Variants in AKT3 observed in about 807,000 individuals in gnomAD.
AKT3 encodes RAC-gamma serine/threonine-protein kinase.
Under a neutral mutation model 65.3 loss-of-function variants are expected in AKT3, and 15 were observed. The ratio of observed to expected loss-of-function variants is 0.23; its 90% confidence interval spans 0.15 to 0.35. AKT3 has a LOEUF of 0.35. Among genes scored for constraint, AKT3 ranks in the 10% least tolerant of loss-of-function variants. The pLI, the probability that AKT3 is intolerant of heterozygous loss-of-function variation, is 1.00. For missense variants in AKT3, 243 were observed against 576.5 expected, an observed-to-expected ratio of 0.42 and a Z score of 5.92; for synonymous variants, 206 against 183.8, an observed-to-expected ratio of 1.12 and a Z score of -0.98.
chr1:243,639,944 G>GA (rs1444735811), intron 5 of AKT3, among the ~76,000 whole-genome samples: 1 of 152,022 alleles, frequency 6.6e-6, no homozygotes, highest in Non-Finnish European at 1.5e-5. Flanking sequence ...AAAATGAGAG[G>GA]AAAACAATGC....
intron 2 of AKT3, among the ~76,000 whole-genome samples, chr1:243,731,542 C>T (rs958930078): frequency 2.0e-5 from 3 of 152,114 alleles, no homozygotes; most frequent in African/African-American, 4.8e-5. Context: ...AGCTAGCCAC[C>T]GCAGCTATTT....
chr1:243,693,960 A>T (rs1397009882), intron 3 of AKT3, among the ~76,000 whole-genome samples: 1 of 152,178 alleles, frequency 6.6e-6, no homozygotes, highest in Non-Finnish European at 1.5e-5. Context: ...AAATAAGCTG[A>T]CTGTCAGTCA....
At chr1:243,592,259 C>T (rs1165882013) in intron 8 of AKT3, among the ~76,000 whole-genome samples, 2 of 151,742 alleles carry the variant, frequency 1.3e-5, no homozygotes, top group Non-Finnish European at 2.9e-5. Flanking sequence ...GGCGTGAACC[C>T]AGGAGGCGGA....
chr1:243,813,214 C>A (rs1010556481), intron 2 of AKT3, among the ~76,000 whole-genome samples: 5 of 152,032 alleles, frequency 3.3e-5, no homozygotes, highest in Admixed American at 2.0e-4. Context: ...GTGAAGAGAT[C>A]CAGCAGTCAC....
chr1:243,673,091 T>G (rs977391289), intron 3 of AKT3, among the ~76,000 whole-genome samples: 2 of 152,230 alleles, frequency 1.3e-5, no homozygotes, highest in Non-Finnish European at 2.9e-5. Flanking sequence ...CATGGGCTTT[T>G]TAAAAATGTA....
intron 2 of AKT3, among the ~76,000 whole-genome samples, chr1:243,709,284 T>A (rs1685999418): frequency 6.8e-6 from 1 of 147,566 alleles, no homozygotes; most frequent in Non-Finnish European, 1.5e-5. Flanking sequence ...AAACCTAGCA[T>A]TAAAAGAAAA....
At position 243,843,271 on chromosome 1, in the gene AKT3, T is replaced by C; in HGVS notation, c.-101A>G. On this transcript the variant is annotated 5_prime_UTR_variant, in exon 2 of 14. Coordinates refer to ENST00000673466, the MANE Select transcript of AKT3 (RefSeq NM_005465.7). ...TGCTGCTGCCCTTCCCACTCTCTAG[T>C]GATGACTCAGCCTGGAAGGAAGTAT... 1 of 1,471,568 alleles carries C rather than the reference T, an allele frequency of 6.8e-7. No homozygotes were observed. The highest frequency in any genetic ancestry group is 9.1e-7 in the Non-Finnish European group (1 of 1,104,482). 91.2% of individuals were successfully genotyped at this position (1,471,568 alleles called of 1,614,324 possible).
chr1:243,676,628 C>T (rs945114076), intron 3 of AKT3, among the ~76,000 whole-genome samples: 1 of 152,200 alleles, frequency 6.6e-6, no homozygotes, highest in Non-Finnish European at 1.5e-5. Flanking sequence ...TTGAAAATTA[C>T]TATACCAGTA....
intron 12 of AKT3, among the ~76,000 whole-genome samples, chr1:243,533,598 GA>G (rs1671696419): frequency 6.6e-6 from 1 of 152,130 alleles, no homozygotes. Flanking sequence ...TTATGAGAGG[GA>G]AAAATGTTGC....
At chr1:243,834,951 C>A (rs1207493358) in intron 2 of AKT3, among the ~76,000 whole-genome samples, 1 of 151,922 alleles carries the variant, frequency 6.6e-6, no homozygotes, top group South Asian at 2.1e-4. Context: ...TACAGGAGAA[C>A]AACAGCACAA....
rs572983862 is a variant in AKT3, at chr1:243,777,139, T to C, written c.46+65986A>G. Among the ~76,000 whole-genome samples the C allele has an allele frequency of 1.3e-4, 20 of 151,188 alleles. No homozygotes were observed. In the East Asian group the frequency reaches 3.9e-3, roughly 30 times the overall value. On this transcript the variant is annotated intron_variant, in intron 2 of 13. Transcript: ENST00000673466. ...GGCTTCATGGAAGACAATTTTTCCATGGGATTGGGGGGAGACGGGGGCGGT... is the reference window on the plus strand; with the variant it reads ...GGCTTCATGGAAGACAATTTTTCCACGGGATTGGGGGGAGACGGGGGCGGT...
At chr1:243,795,099 T>C (rs1017315257) in intron 2 of AKT3, among the ~76,000 whole-genome samples, 2 of 152,130 alleles carry the variant, frequency 1.3e-5, no homozygotes, top group African/African-American at 4.8e-5. Context: ...TTTCTCCCAG[T>C]GTTCCAAGTA....
At chr1:243,632,102 G>C (rs1477946926) in intron 6 of AKT3, among the ~76,000 whole-genome samples, 1 of 152,122 alleles carries the variant, frequency 6.6e-6, no homozygotes, top group East Asian at 1.9e-4. Flanking sequence ...GTTTTTCAAG[G>C]CATCTAGAAT....
intron 2 of AKT3, among the ~76,000 whole-genome samples, chr1:243,720,307 T>A (rs1686795828): frequency 6.6e-6 from 1 of 150,586 alleles, no homozygotes; most frequent in South Asian, 2.1e-4. Context: ...TCAAAAAAAA[T>A]TAAAAATAAA....
At position 243,502,026 on chromosome 1, in the gene AKT3, TG is replaced by T. The variant is rs1669349148; in HGVS notation, c.*3222del. On this transcript the variant is annotated 3_prime_UTR_variant, in exon 14 of 14. Transcript: ENST00000673466. ...ATGACTAGATCTTGCGCAGATCTAA[TG>T]AAAGAACTAGCAAGGTCAAGAAATG... 2 of 232,528 alleles carry T rather than the reference TG, an allele frequency of 8.6e-6. No individual in the cohort carries two copies. The highest frequency in any genetic ancestry group is 1.7e-5 in the Non-Finnish European group (2 of 117,716). 14.4% of individuals were successfully genotyped at this position (232,528 alleles called of 1,614,324 possible).
At chr1:243,585,263 T>A (rs995902311) in intron 8 of AKT3, among the ~76,000 whole-genome samples, 1 of 152,092 alleles carries the variant, frequency 6.6e-6, no homozygotes, top group Admixed American at 6.6e-5. Context: ...AAACGTTCCA[T>A]GCTCAGGGAC....
chr1:243,756,373 G>A (rs768690899), intron 2 of AKT3, among the ~76,000 whole-genome samples: 44 of 152,120 alleles, frequency 2.9e-4, no homozygotes, highest in Non-Finnish European at 2.4e-4. Context: ...TATCACAAGC[G>A]GAGCTGGGAC....
Position 243,663,853 on chromosome 1 carries a change from A to C in AKT3, c.284+919T>G, listed in dbSNP as rs570514362. Among the ~76,000 whole-genome samples the C allele has an allele frequency of 3.3e-5, 5 of 152,288 alleles. No homozygotes were observed. The East Asian group carries it at 5.8e-4, about 18-fold the overall frequency. The stretch of plus-strand genomic sequence containing the variant: ...GTCACTGGACCTAACTCAGTATCAG[A>C]GTGAGCAGATATAGAATTGGGAAGT... On this transcript the variant is annotated intron_variant, in intron 4 of 13. Transcript: ENST00000673466.
At chr1:243,621,665 A>G (rs1252428620) in intron 6 of AKT3, among the ~76,000 whole-genome samples, 4 of 152,222 alleles carry the variant, frequency 2.6e-5, no homozygotes, top group Non-Finnish European at 5.9e-5. Context: ...AGTATCTAAC[A>G]AAAATAGCAA....
Sources: allele counts gnomAD v4.1 joint callset (sites outside exome capture counted in the v4.1 genomes callset), GRCh38; gene constraint gnomAD v4.1.1; transcripts MANE v1.5; gene names NCBI Gene and HGNC (gene_info 2026-07-23, HGNC 2026-07-21).